Variants in NRXN1 observed in about 807,000 individuals in gnomAD.
NRXN1 encodes the protein neurexin-1.
In NRXN1, 39 loss-of-function variants were observed where a neutral mutation model predicts 150.9. The observed-to-expected ratio is 0.26, with a 90% CI of 0.20 to 0.34. The LOEUF (loss-of-function observed/expected upper bound fraction) is 0.34, where lower values mean the gene tolerates loss of function less well. Among genes scored for constraint, NRXN1 ranks in the 10% least tolerant of loss-of-function variants. NRXN1 has a pLI of 1.00. For synonymous variants in NRXN1, 924 were observed against 757.0 expected, an observed-to-expected ratio of 1.22 and a Z score of -3.62; for missense variants, 1,815 against 1,949.9, an observed-to-expected ratio of 0.93 and a Z score of 1.30.
chr2:50,968,026 C>T (rs981021149), intron 2 of NRXN1, among the ~76,000 whole-genome samples: 3 of 151,650 alleles, frequency 2.0e-5, no homozygotes, highest in African/African-American at 4.8e-5. Flanking sequence ...ATAATGCTAA[C>T]GAAAGGACTA....
chr2:50,339,215 AT>A (rs1278753233), intron 17 of NRXN1, among the ~76,000 whole-genome samples: 14 of 152,118 alleles, frequency 9.2e-5, no homozygotes, highest in Admixed American at 2.6e-4. Context: ...CAATCTGTTA[AT>A]TTTTTTTCTT....
chr2:50,503,980 C>A (rs1290757240), intron 13 of NRXN1, among the ~76,000 whole-genome samples: 2 of 151,932 alleles, frequency 1.3e-5, no homozygotes, highest in East Asian at 3.9e-4. Context: ...GTAAAATATA[C>A]ATTCAGTCAT....
At chr2:50,063,381 T>C (rs1414813298) in intron 19 of NRXN1, among the ~76,000 whole-genome samples, 1 of 152,184 alleles carries the variant, frequency 6.6e-6, no homozygotes, top group African/African-American at 2.4e-5. Flanking sequence ...GGCTCCAGCT[T>C]ACTCCAGTTT....
At chr2:50,152,612 G>T (rs2058759573) in intron 18 of NRXN1, among the ~76,000 whole-genome samples, 1 of 151,694 alleles carries the variant, frequency 6.6e-6, no homozygotes, top group African/African-American at 2.4e-5. Flanking sequence ...GTTTTGTTTT[G>T]CTTTATTTTT....
At chr2:50,484,316 A>T (rs1573190100) in intron 15 of NRXN1, among the ~76,000 whole-genome samples, 1 of 152,160 alleles carries the variant, frequency 6.6e-6, no homozygotes, top group Admixed American at 6.5e-5. Context: ...AAGATGGAAT[A>T]TTATTAATAC....
At chr2:50,057,760 A>C (rs1490828011) in intron 19 of NRXN1, among the ~76,000 whole-genome samples, 3 of 152,140 alleles carry the variant, frequency 2.0e-5, no homozygotes, top group South Asian at 4.1e-4. Context: ...AAGAAAAAGA[A>C]AGCAAATACT....
At chr2:49,928,306 C>T (rs977373758) in intron 22 of NRXN1, among the ~76,000 whole-genome samples, 5 of 151,532 alleles carry the variant, frequency 3.3e-5, no homozygotes, top group African/African-American at 1.2e-4. Context: ...AATTTCTTCT[C>T]ACTAAGAGTT....
At chr2:50,918,653 T>C in intron 5 of NRXN1, 1 of 365,906 alleles carries the variant, frequency 2.7e-6, no homozygotes, top group Non-Finnish European at 4.9e-6. Context: ...AAAATATAAA[T>C]AAACAATCAA....
intron 21 of NRXN1, among the ~76,000 whole-genome samples, chr2:50,026,122 G>A (rs567447271): frequency 1.9e-4 from 29 of 152,238 alleles, no homozygotes; most frequent in African/African-American, 6.7e-4. Context: ...AGCAGGAATT[G>A]CTGATTATTT....
intron 15 of NRXN1, among the ~76,000 whole-genome samples, chr2:50,488,906 C>G (rs1360015373): frequency 1.3e-5 from 2 of 152,184 alleles, no homozygotes; most frequent in African/African-American, 4.8e-5. Context: ...AAAGAGGGAC[C>G]TGCACCAAAG....
chr2:50,911,186 A>C lies in NRXN1; in HGVS notation c.832+10683T>G, dbSNP rs1271156816. 2.0e-5 allele frequency among the ~76,000 whole-genome samples: 3 copies of C among 151,988 alleles called. No individual in the cohort carries two copies. In the South Asian group the frequency reaches 6.2e-4, roughly 32 times the overall value. ...ATGAATAGAGCTTCCCTAGACCCTA[A>C]AGTTGCCCTCTCAGGCTGCTGTCAT... On this transcript the variant is annotated intron_variant, in intron 5 of 22. Coordinates refer to ENST00000401669, the MANE Select transcript of NRXN1 (RefSeq NM_001330078.2).
intron 18 of NRXN1, among the ~76,000 whole-genome samples, chr2:50,169,823 C>T (rs918447232): frequency 2.7e-5 from 4 of 150,080 alleles, no homozygotes; most frequent in African/African-American, 7.4e-5. Flanking sequence ...AAGGTTGAAA[C>T]AAAGCAAAAC....
At chr2:50,272,473 G>A (rs1278871489) in intron 17 of NRXN1, among the ~76,000 whole-genome samples, 1 of 152,106 alleles carries the variant, frequency 6.6e-6, no homozygotes, top group African/African-American at 2.4e-5. Flanking sequence ...GTGGCAAACA[G>A]AAAATAAATA....
intron 16 of NRXN1, among the ~76,000 whole-genome samples, chr2:50,467,384 A>G (rs182251915): frequency 6.6e-6 from 1 of 151,594 alleles, no homozygotes; most frequent in Admixed American, 6.6e-5. Flanking sequence ...TTTTATAAAA[A>G]TAGAAAAAAA....
At chr2:50,208,002 A>G (rs1034803468) in intron 18 of NRXN1, among the ~76,000 whole-genome samples, 1 of 152,076 alleles carries the variant, frequency 6.6e-6, no homozygotes, top group African/African-American at 2.4e-5. Context: ...AAGAGGAGAA[A>G]AAGGCAAACC....
chr2:50,316,965 G>A (rs995676179), intron 17 of NRXN1, among the ~76,000 whole-genome samples: 21 of 151,718 alleles, frequency 1.4e-4, no homozygotes, highest in African/African-American at 3.9e-4. Flanking sequence ...ATTACAATTC[G>A]AAAATACCAA....
chr2:50,586,007 G>A (rs1673039427), intron 8 of NRXN1, among the ~76,000 whole-genome samples: 1 of 152,180 alleles, frequency 6.6e-6, no homozygotes, highest in Non-Finnish European at 1.5e-5. Flanking sequence ...GAGAAAATGG[G>A]CTGGTGACAT....
At chr2:50,271,501 T>G (rs952365418) in intron 17 of NRXN1, among the ~76,000 whole-genome samples, 4 of 152,176 alleles carry the variant, frequency 2.6e-5, no homozygotes, top group African/African-American at 7.2e-5. Flanking sequence ...TCTATTTTCT[T>G]CAGTCTTACT....
intron 8 of NRXN1, among the ~76,000 whole-genome samples, chr2:50,579,848 A>G (rs1671989092): frequency 1.7e-5 from 2 of 120,590 alleles, no homozygotes; most frequent in Middle Eastern, 5.1e-3. Flanking sequence ...ATTGAACATC[A>G]GGTGCATCCT....
Sources: gnomAD v4.1 joint callset for allele counts (sites outside exome capture counted in the v4.1 genomes callset) on GRCh38, gnomAD v4.1.1 for gene constraint, MANE v1.5 for transcripts, NCBI Gene and HGNC (gene_info 2026-07-23, HGNC 2026-07-21) for gene names.